Variants in DGKI observed in about 807,000 individuals in gnomAD.
DGKI encodes the protein DAG kinase iota.
In DGKI, 55 loss-of-function variants were observed where a neutral mutation model predicts 147.5. The observed-to-expected ratio is 0.37, with a 90% CI of 0.30 to 0.47. DGKI has a LOEUF of 0.47. Ranked by LOEUF, DGKI falls within the 20% of genes least tolerant of loss-of-function variation. The pLI, the probability that DGKI is intolerant of heterozygous loss-of-function variation, is 1.00. For missense variants in DGKI, 1,007 were observed against 1,323.8 expected (o/e 0.76, Z 3.71); for synonymous variants, 469 against 477.1 (o/e 0.98, Z 0.22).
intron 3 of DGKI, among the ~76,000 whole-genome samples, chr7:137,668,187 C>T (rs568764404): frequency 2.0e-5 from 3 of 152,350 alleles, no homozygotes; most frequent in Non-Finnish European, 4.4e-5. Flanking sequence ...GTGATTGCTT[C>T]ATATGATCTG....
intron 1 of DGKI, among the ~76,000 whole-genome samples, chr7:137,747,515 G>A (rs1351467397): frequency 1.3e-5 from 2 of 149,442 alleles, no homozygotes; most frequent in East Asian, 1.9e-4. Flanking sequence ...AGGCATAACC[G>A]AAGTAACCAG....
intron 30 of DGKI, among the ~76,000 whole-genome samples, chr7:137,403,946 T>A (rs564741161): frequency 6.6e-6 from 1 of 152,270 alleles, no homozygotes; most frequent in East Asian, 1.9e-4. Context: ...CTGGTATACA[T>A]CCCTAAATCC....
intron 1 of DGKI, among the ~76,000 whole-genome samples, chr7:137,790,547 A>C (rs1308300105): frequency 6.6e-6 from 1 of 152,236 alleles, no homozygotes; most frequent in Non-Finnish European, 1.5e-5. Flanking sequence ...ATGACGCACT[A>C]ATCAATAAAG....
intron 3 of DGKI, among the ~76,000 whole-genome samples, chr7:137,670,741 TG>T (rs1822814536): frequency 6.6e-6 from 1 of 152,220 alleles, no homozygotes; most frequent in Non-Finnish European, 1.5e-5. Flanking sequence ...CTTTGCCTCC[TG>T]GGCTTTATTG....
chr7:137,762,123 C>T (rs147165934), intron 1 of DGKI, among the ~76,000 whole-genome samples: 50 of 152,310 alleles, frequency 3.3e-4, no homozygotes, highest in Non-Finnish European at 4.9e-4. Flanking sequence ...ATTCCGTATA[C>T]GGTAGCCAGA....
At chr7:137,413,048 TC>T (rs1812221193) in intron 28 of DGKI, among the ~76,000 whole-genome samples, 3 of 152,076 alleles carry the variant, frequency 2.0e-5, no homozygotes, top group Non-Finnish European at 2.9e-5. Flanking sequence ...GGTGGGTGGA[TC>T]ATTTGAGGTC....
intron 24 of DGKI, among the ~76,000 whole-genome samples, chr7:137,468,334 C>T (rs1814743050): frequency 6.6e-6 from 1 of 152,144 alleles, no homozygotes; most frequent in African/African-American, 2.4e-5. Context: ...AAAACTACTA[C>T]CTGGGCTAAG....
At chr7:137,550,167 G>GTTTT (rs71533756) in intron 20 of DGKI, among the ~76,000 whole-genome samples, 14 of 138,024 alleles carry the variant, frequency 1.0e-4, no homozygotes, top group South Asian at 4.6e-4. Context: ...TGTTGTTTGA[G>GTTTT]TTTTTTTTTT....
At chr7:137,781,278 C>T (rs544895081) in intron 1 of DGKI, among the ~76,000 whole-genome samples, 32 of 152,228 alleles carry the variant, frequency 2.1e-4, no homozygotes, top group African/African-American at 7.5e-4. Flanking sequence ...CCAGTAGCAA[C>T]GCATTGTTTT....
At chr7:137,469,485 C>T in intron 24 of DGKI, 65 bp downstream of exon 24, 1 of 1,527,448 alleles carries the variant, frequency 6.5e-7, no homozygotes. Context: ...CCCACCCTAT[C>T]AATTGATGCC....
intron 3 of DGKI, among the ~76,000 whole-genome samples, chr7:137,668,514 A>G (rs1318285465): frequency 1.3e-5 from 2 of 152,238 alleles, no homozygotes; most frequent in Non-Finnish European, 2.9e-5. Flanking sequence ...CAAGCACCTC[A>G]TTGAACTCAT....
chr7:137,696,704 A>G (rs1823801735), intron 1 of DGKI, among the ~76,000 whole-genome samples: 1 of 145,886 alleles, frequency 6.9e-6, no homozygotes, highest in African/African-American at 2.5e-5. Context: ...TGAGGGAAAA[A>G]GTAATCCTTG....
intron 3 of DGKI, among the ~76,000 whole-genome samples, chr7:137,671,438 C>G (rs1822841274): frequency 6.6e-6 from 1 of 152,190 alleles, no homozygotes; most frequent in South Asian, 2.1e-4. Context: ...TTGGAATCAT[C>G]CCAAATATAA....
intron 30 of DGKI, among the ~76,000 whole-genome samples, chr7:137,401,704 GAAAAGGA>G (rs1193594955): frequency 6.6e-6 from 1 of 152,112 alleles, no homozygotes; most frequent in African/African-American, 2.4e-5. Context: ...TTCCTCAATA[GAAAAGGA>G]AATCTCAGGT....
intron 28 of DGKI, among the ~76,000 whole-genome samples, chr7:137,425,674 C>G: frequency 6.6e-6 from 1 of 152,134 alleles, no homozygotes; most frequent in Non-Finnish European, 1.5e-5. Context: ...GAATGTATAA[C>G]TAGAATAACC....
At chr7:137,717,655 G>T (rs1794420529) in intron 1 of DGKI, among the ~76,000 whole-genome samples, 1 of 152,028 alleles carries the variant, frequency 6.6e-6, no homozygotes, top group Admixed American at 6.6e-5. Context: ...TTGCATATTT[G>T]GAAATATTAA....
At chr7:137,476,751 A>G (rs1815185212) in intron 23 of DGKI, among the ~76,000 whole-genome samples, 1 of 152,160 alleles carries the variant, frequency 6.6e-6, no homozygotes, top group African/African-American at 2.4e-5. Context: ...CTTCTCCTGC[A>G]TGTAAGAGCT....
At position 137,846,697 on chromosome 7, in the gene DGKI, TG is replaced by T; in HGVS notation, c.165del (p.Ser56AlafsTer67). ...CCTTTCTCCTCTCCCGCCGAGGAGC[TG>T]GGGTTCATGGCGCCCGCTCCGGCGG... ...SAAAGAGAMN[P>X]SSSAGEEKGA... is the part of the protein sequence containing the mutation. On this transcript the variant is annotated frameshift_variant, in exon 1 of 33. Coordinates refer to ENST00000614521, the MANE Select transcript of DGKI (RefSeq NM_001321708.2). LOFTEE classifies it high-confidence loss of function. The surrounding 1 kb of genome is among the most constrained non-coding windows in gnomAD (Gnocchi z 4.0). 9.6e-7 allele frequency: 1 copy of T among 1,045,888 alleles called. No individual in the cohort carries two copies. 64.8% of individuals were successfully genotyped at this position (1,045,888 alleles called of 1,614,324 possible).
At chr7:137,546,002 C>T (rs555121114) in intron 20 of DGKI, 8 of 697,926 alleles carry the variant, frequency 1.1e-5, no homozygotes, top group African/African-American at 3.5e-5. Context: ...ACAGAGTCAG[C>T]GACAGCGTGG....
Sources: allele counts gnomAD v4.1 joint callset (sites outside exome capture counted in the v4.1 genomes callset), GRCh38; gene constraint gnomAD v4.1.1; non-coding constraint Gnocchi (gnomAD v3.1); transcripts MANE v1.5; gene names NCBI Gene and HGNC (gene_info 2026-07-23, HGNC 2026-07-21).